The following SLIT1 variants were observed in gnomAD, a reference collection of about 807,000 sequenced individuals.
The protein encoded by SLIT1 is slit guidance ligand 1.
SLIT1 carries 66 observed loss-of-function variants against 186.1 expected under a neutral mutation model. The observed-to-expected ratio is 0.35, with a 90% CI of 0.29 to 0.44. The LOEUF (loss-of-function observed/expected upper bound fraction) is 0.44. Ranked by LOEUF, SLIT1 falls within the 20% of genes least tolerant of loss-of-function variation. The pLI is 1.00. For synonymous variants in SLIT1, 761 were observed against 833.8 expected, an observed-to-expected ratio of 0.91 and a Z score of 1.50; for missense variants, 1,638 against 2,037.4, an observed-to-expected ratio of 0.80 and a Z score of 3.77.
At chr10:97,105,239 C>T (rs1427275727) in intron 4 of SLIT1, among the ~76,000 whole-genome samples, 1 of 152,188 alleles carries the variant, frequency 6.6e-6, no homozygotes, top group African/African-American at 2.4e-5. Context: ...GTTCCATTCA[C>T]CACCGTCTCT....
intron 1 of SLIT1, among the ~76,000 whole-genome samples, chr10:97,179,140 C>T (rs889725959): frequency 1.3e-5 from 2 of 152,206 alleles, no homozygotes; most frequent in Non-Finnish European, 2.9e-5. Context: ...CTCCCCATCT[C>T]ACTCCCATCT....
intron 22 of SLIT1, among the ~76,000 whole-genome samples, chr10:97,036,679 T>A (rs938237089): frequency 6.6e-6 from 1 of 152,148 alleles, no homozygotes; most frequent in Admixed American, 6.5e-5. Context: ...GGCCCGTAGA[T>A]TGCACTTGGA....
chr10:97,157,493 A>C (rs905868113), intron 4 of SLIT1: 7 of 335,766 alleles, frequency 2.1e-5, no homozygotes, highest in Non-Finnish European at 3.3e-5. Context: ...TGAGATGGGT[A>C]AGAATGAGCC....
At chr10:97,180,935 A>G (rs750790713) in intron 1 of SLIT1, among the ~76,000 whole-genome samples, 3 of 152,200 alleles carry the variant, frequency 2.0e-5, no homozygotes, top group Non-Finnish European at 2.9e-5. Flanking sequence ...AGCATGAGTG[A>G]GTGCACAGGC....
intron 28 of SLIT1, among the ~76,000 whole-genome samples, chr10:97,017,601 G>A (rs891243791): frequency 2.0e-5 from 3 of 151,902 alleles, no homozygotes; most frequent in Non-Finnish European, 4.4e-5. Context: ...GGGCAGGGCC[G>A]GAGGGCTATC....
At chr10:97,031,711 G>A in intron 23 of SLIT1, 34 bp from the exon 24 acceptor site, 1 of 1,504,064 alleles carries the variant, frequency 6.6e-7, no homozygotes, top group Middle Eastern at 2.0e-4. Flanking sequence ...AGGGCACTGT[G>A]TTAGTGCCTG....
At chr10:97,156,679 T>C (rs947749393) in intron 4 of SLIT1, among the ~76,000 whole-genome samples, 1 of 152,104 alleles carries the variant, frequency 6.6e-6, no homozygotes, top group African/African-American at 2.4e-5. Flanking sequence ...CAGAAAGAAC[T>C]AGCTGTGTTT....
In SLIT1 at chr10:97,116,472, T is replaced by C. The variant is rs529703241; in HGVS notation, c.413+41346A>G. Among the ~76,000 whole-genome samples, 292 of 152,224 alleles carry C rather than the reference T, an allele frequency of 1.9e-3. 2 individuals carry two copies. Among genetic ancestry groups the C allele is most frequent in the African/African-American group, 6.8e-3 (284 of 41,538 alleles). ...GAGGCTGCTGATGAGGAGCACCCCC[T>C]ACCCACAGGTCTAGCCCGGCATCCT... On this transcript the variant is annotated intron_variant, in intron 4 of 36. Coordinates refer to ENST00000266058, the MANE Select transcript of SLIT1 (RefSeq NM_003061.3).
Position 97,006,778 on chromosome 10 carries a change from C to G in SLIT1, c.3342-58G>C. On this transcript the variant is annotated intron_variant, in intron 31 of 36. Transcript: ENST00000266058. This position sits in a 1 kb window ranked among gnomAD's most constrained non-coding sequence, Gnocchi z 4.0. ...AAGGAGGAAGGGAGTATCTTCCTCT[C>G]CCACAGCCCTGGAGAGAAATTCACT... 8.7e-7 allele frequency: 1 copy of G among 1,155,600 alleles called. No homozygotes were observed. The allele number at this position is 1,155,600 out of a possible 1,614,324, so 71.6% of individuals were successfully genotyped here. A position where few individuals can be genotyped will look rare whatever the true frequency, so the allele number is the denominator to read the frequency against.
chr10:97,029,421 T>C (rs1589367541), intron 25 of SLIT1, among the ~76,000 whole-genome samples: 1 of 152,146 alleles, frequency 6.6e-6, no homozygotes, highest in East Asian at 1.9e-4. Flanking sequence ...GGCTTGAGGA[T>C]GGGGCTGACA....
chr10:97,179,796 A>AACCC (rs1850306869), intron 1 of SLIT1, among the ~76,000 whole-genome samples: 1 of 103,012 alleles, frequency 9.7e-6, no homozygotes, highest in Non-Finnish European at 2.2e-5. Context: ...AATTCTCCAC[A>AACCC]CCCTCCCCGC....
chr10:97,011,220 T>C (rs939758297), intron 30 of SLIT1, 90 bp from the exon 31 acceptor site: 41 of 875,876 alleles, frequency 4.7e-5, no homozygotes, highest in Admixed American at 1.9e-5. Context: ...CCACACAGTC[T>C]GTACATGTGA....
At position 97,011,143 on chromosome 10, in the gene SLIT1, G is replaced by T; in HGVS notation, c.3204-13C>A. The T allele has an allele frequency of 6.2e-7, 1 of 1,608,276 alleles. No homozygotes were observed. On this transcript the variant is annotated splice_polypyrimidine_tract_variant and intron_variant, in intron 30 of 36. Transcript: ENST00000266058. ...CATGCACTCACACCTAGTGGGTGGG[G>T]GGCAGGGGTAGTTGGGGGGTCAGCC...
chr10:96,999,160 C>T lies in SLIT1; in HGVS notation c.*1952G>A, dbSNP rs891543964. On this transcript the variant is annotated 3_prime_UTR_variant, in exon 37 of 37. Coordinates refer to ENST00000266058, the MANE Select transcript of SLIT1 (RefSeq NM_003061.3). ...TGCCATGTGGGCCTGGGAGAAGCCC[C>T]ATGAGGCCCAGGCTGCAGTCTACTT... is the stretch of plus-strand genomic sequence containing the variant. 4 of 152,308 alleles carry T rather than the reference C, an allele frequency of 2.6e-5. No individual in the cohort carries two copies. Among genetic ancestry groups the T allele is most frequent in the African/African-American group, 4.8e-5 (2 of 41,410 alleles). 9.4% of individuals were successfully genotyped at this position (152,308 alleles called of 1,614,324 possible). A position where few individuals can be genotyped will look rare whatever the true frequency, so the allele number is the denominator to read the frequency against.
chr10:97,064,870 C>T lies in SLIT1; in HGVS notation c.492G>A (p.Leu164=). 2 of 1,612,922 alleles carry T rather than the reference C, an allele frequency of 1.2e-6. No individual in the cohort carries two copies. Among genetic ancestry groups the T allele is most frequent in the Non-Finnish European group, 1.7e-6 (2 of 1,179,394 alleles). The change falls in exon 6 of 37, where the codon CTG becomes CTA. Residue 164 remains leucine, a synonymous_variant. Transcript: ENST00000266058. ...RGATDLKNLQ[L]DKNQISCIEE... ...CAATGCAGCTGATCTGGTTCTTGTC[C>T]AGCTGTCTGTGAAGCAAAGGAAGGT... is the stretch of plus-strand genomic sequence containing the variant.
intron 28 of SLIT1, among the ~76,000 whole-genome samples, chr10:97,016,965 C>T (rs887123293): frequency 2.0e-5 from 3 of 152,268 alleles, no homozygotes; most frequent in South Asian, 2.1e-4. Context: ...GCCTGTGGTA[C>T]GAGCTGGGGC....
At chr10:97,074,002 C>CACA (rs901851958) in intron 4 of SLIT1, among the ~76,000 whole-genome samples, 1 of 152,142 alleles carries the variant, frequency 6.6e-6, no homozygotes, top group African/African-American at 2.4e-5. Flanking sequence ...ATTTATCCTT[C>CACA]ACACCTCAGT....
intron 4 of SLIT1, among the ~76,000 whole-genome samples, chr10:97,123,123 G>T (rs1448769233): frequency 6.6e-6 from 1 of 152,214 alleles, no homozygotes; most frequent in Non-Finnish European, 1.5e-5. Flanking sequence ...AGAAACTGAG[G>T]CTTAGGGAAC....
chr10:97,098,173 A>C (rs1849311218), intron 4 of SLIT1, among the ~76,000 whole-genome samples: 1 of 152,214 alleles, frequency 6.6e-6, no homozygotes, highest in Admixed American at 6.5e-5. Context: ...GAACGTGCAC[A>C]CAGGCATAGC....
Sources: allele counts gnomAD v4.1 joint callset (sites outside exome capture counted in the v4.1 genomes callset), GRCh38; gene constraint gnomAD v4.1.1; non-coding constraint Gnocchi (gnomAD v3.1); transcripts MANE v1.5; gene names NCBI Gene and HGNC (gene_info 2026-07-23, HGNC 2026-07-21).